NOTCH4: variants seen among roughly 807,000 people sequenced by gnomAD.
The protein encoded by NOTCH4 is neurogenic locus notch homolog protein 4.
NOTCH4 carries 138 observed loss-of-function variants against 189.0 expected under a neutral mutation model. That is an observed-to-expected ratio of 0.73 (90% confidence interval 0.64 to 0.84). NOTCH4 has a LOEUF of 0.84. Among genes scored for constraint, NOTCH4 ranks in the 40% least tolerant of loss-of-function variants. The pLI is 0.00. For synonymous variants in NOTCH4, 942 were observed against 1,032.8 expected, an observed-to-expected ratio of 0.91 and a Z score of 1.69; for missense variants, 2,286 against 2,605.4, an observed-to-expected ratio of 0.88 and a Z score of 2.67.
At position 32,220,970 on chromosome 6, in the gene NOTCH4, G is replaced by C; in HGVS notation, c.799+8C>G. 6.3e-7 allele frequency: 1 copy of C among 1,596,758 alleles called. No homozygotes were observed. Among genetic ancestry groups the C allele is most frequent in the Non-Finnish European group, 8.5e-7 (1 of 1,170,058 alleles). ...AGGGGCGGCCGGAGAGCCCCTGTGA[G>C]GACACACCTGGGGGACAGAGGCAGA... is the stretch of plus-strand genomic sequence containing the variant. On this transcript the variant is annotated splice_region_variant and intron_variant, in intron 4 of 29. Coordinates refer to ENST00000375023, the MANE Select transcript of NOTCH4 (RefSeq NM_004557.4).
rs1156934887 is a variant in NOTCH4, at chr6:32,200,747, T to C, written c.4315+84A>G. ...AACATTTTCAGTCTCAGCTGTCCTG[T>C]TTGATTCAGCCTCCATTGCCTGTTG... is the stretch of plus-strand genomic sequence containing the variant. On this transcript the variant is annotated intron_variant, in intron 23 of 29. Coordinates refer to ENST00000375023, the MANE Select transcript of NOTCH4 (RefSeq NM_004557.4). The surrounding 1 kb of genome is among the most constrained non-coding windows in gnomAD (Gnocchi z 5.0). 2 of 1,185,610 alleles carry C rather than the reference T, an allele frequency of 1.7e-6. No individual in the cohort carries two copies. The highest frequency in any genetic ancestry group is 2.3e-6 in the Non-Finnish European group (2 of 856,482). The allele number at this position is 1,185,610 out of a possible 1,614,324, so 73.4% of individuals were successfully genotyped here. A position where few individuals can be genotyped will look rare whatever the true frequency, so the allele number is the denominator to read the frequency against.
chr6:32,220,679 G>T (rs1789704287), intron 5 of NOTCH4, 38 bp from the exon 6 acceptor site: 7 of 1,611,892 alleles, frequency 4.3e-6, no homozygotes, highest in Non-Finnish European at 5.1e-6. Flanking sequence ...GCTAAGGCTG[G>T]GAGCCCTATG....
chr6:32,196,407 G>A lies in NOTCH4; in HGVS notation c.5215C>T (p.His1739Tyr). 1 of 1,613,096 alleles carries A rather than the reference G, an allele frequency of 6.2e-7. No homozygotes were observed. The highest frequency in any genetic ancestry group is 1.1e-5 in the South Asian group (1 of 91,084). ...ARDKWGKTAL[H>Y]WAAAVNNARA... Reference sequence around the variant, plus strand: ...GCGTTGTTCACGGCAGCAGCCCAGTGCAGCGCAGTTTTCCCTAGGGGACGA... The same window carrying A: ...GCGTTGTTCACGGCAGCAGCCCAGTACAGCGCAGTTTTCCCTAGGGGACGA... The change falls in exon 29 of 30, where the codon CAC (histidine) becomes TAC (tyrosine). Residue 1739 changes from histidine to tyrosine, a missense_variant. Physicochemically the swap from His to Tyr is moderately conservative, Grantham distance 83. Around this residue, in one of 2 missense-constraint regions of NOTCH4, gnomAD observed 1,903 missense variants for 2,261.9 expected, o/e 0.84. Coordinates refer to ENST00000375023, the MANE Select transcript of NOTCH4 (RefSeq NM_004557.4).
chr6:32,205,798 C>T (rs1192830004), intron 18 of NOTCH4, among the ~76,000 whole-genome samples: 10 of 151,814 alleles, frequency 6.6e-5, no homozygotes, highest in Non-Finnish European at 1.2e-4. Context: ...GAGGTCAAGG[C>T]GGGTGGATCA....
rs749519154 is a variant in NOTCH4, at chr6:32,222,684, G to C, written c.278C>G (p.Ser93Cys). The C allele has an allele frequency of 5.0e-6, 8 of 1,604,612 alleles. No homozygotes were observed. The highest frequency in any genetic ancestry group is 6.8e-6 in the Non-Finnish European group (8 of 1,177,418). ...LLPAPLGLPS[S>C]PSPLTPSFLC... ...GAAGCTGGGTGTCAATGGAGAGGGA[G>C]AGCTGGGGAGCCCTAGGGGAGCGGG... Residue 93 changes from serine (S) to cysteine (C), a missense_variant, in exon 3 of 30, where the codon TCT (serine) becomes TGT (cysteine). Ser to Cys is a moderately radical substitution (Grantham distance 112). This residue lies in a region of NOTCH4 where 1,903 missense variants were observed against 2,261.9 expected (regional missense o/e 0.84). Coordinates refer to ENST00000375023, the MANE Select transcript of NOTCH4 (RefSeq NM_004557.4).
In NOTCH4 at chr6:32,217,901, G is replaced by A. The variant is rs887157779; in HGVS notation, c.1624+94C>T. 5 of 784,364 alleles carry A rather than the reference G, an allele frequency of 6.4e-6. No individual in the cohort carries two copies. The highest frequency in any genetic ancestry group is 5.1e-5 in the African/African-American group (3 of 58,464). The allele number at this position is 784,364 out of a possible 1,614,324, so 48.6% of individuals were successfully genotyped here. ...GAGGACTCCTTGGCTTGGCTAGAGA[G>A]AGCTTCAAGTGGCCTTGGGTGATTG... is the stretch of plus-strand genomic sequence containing the variant. On this transcript the variant is annotated intron_variant, in intron 9 of 29. Coordinates refer to ENST00000375023, the MANE Select transcript of NOTCH4 (RefSeq NM_004557.4). This position sits in a 1 kb window ranked among gnomAD's most constrained non-coding sequence, Gnocchi z 4.2.
rs922179484 is a variant in NOTCH4 at position 32,213,762 on chromosome 6, C to T, written c.2246G>A (p.Gly749Glu). 2 of 1,612,204 alleles carry T rather than the reference C, an allele frequency of 1.2e-6. No individual in the cohort carries two copies. Among genetic ancestry groups the T allele is most frequent in the South Asian group, 2.2e-5 (2 of 91,018 alleles). The change falls in exon 14 of 30, where the codon GGA becomes GAA. Residue 749 changes from glycine (G) to glutamate (E), a missense_variant. Physicochemically the swap from Gly to Glu is moderately conservative, Grantham distance 98. Coordinates refer to ENST00000375023, the MANE Select transcript of NOTCH4 (RefSeq NM_004557.4). Reference protein sequence around the residue: ...LNGGSCNPSPGGYYCTCPPSH... With the variant: ...LNGGSCNPSPEGYYCTCPPSH... ...TGGAGGGCAGGTGCAGTAGTAGCCTCCAGGGCTAGGGTTGCAGGAGCCGCC... is the reference window on the plus strand; with the variant it reads ...TGGAGGGCAGGTGCAGTAGTAGCCTTCAGGGCTAGGGTTGCAGGAGCCGCC...
chr6:32,201,928 T>G lies in NOTCH4; in HGVS notation c.3755+148A>C. Reference sequence around the variant, plus strand: ...TTACCCTAGGTTGGAGTCCAGAGTCTTCGACCCCTGTTTAGTGATGGTTAT... The same window carrying G: ...TTACCCTAGGTTGGAGTCCAGAGTCGTCGACCCCTGTTTAGTGATGGTTAT... On this transcript the variant is annotated intron_variant, in intron 21 of 29. Transcript: ENST00000375023. The surrounding 1 kb of genome is among the most constrained non-coding windows in gnomAD (Gnocchi z 5.5). 2 of 698,008 alleles carry G rather than the reference T, an allele frequency of 2.9e-6. No individual in the cohort carries two copies. Among genetic ancestry groups the G allele is most frequent in the Non-Finnish European group, 4.1e-6 (2 of 485,362 alleles). 43.2% of individuals were successfully genotyped at this position (698,008 alleles called of 1,614,324 possible).
At position 32,210,037 on chromosome 6, in the gene NOTCH4, T is replaced by C. The variant is rs141756787; in HGVS notation, c.2865+715A>G. 1.5e-3 allele frequency among the ~76,000 whole-genome samples: 236 copies of C among 152,264 alleles called. No homozygotes were observed. Among genetic ancestry groups the C allele is most frequent in the Middle Eastern group, 3.4e-3 (1 of 294 alleles). ...AGCATATGAATCAGGCTGCTTAGACTTGAATGCCAGCTTTGCCTCTCCTGG... is the reference window on the plus strand; with the variant it reads ...AGCATATGAATCAGGCTGCTTAGACCTGAATGCCAGCTTTGCCTCTCCTGG... On this transcript the variant is annotated intron_variant, in intron 18 of 29. Transcript: ENST00000375023. The surrounding 1 kb of genome is among the most constrained non-coding windows in gnomAD (Gnocchi z 4.8).
At chr6:32,197,665 A>C in intron 26 of NOTCH4, 71 bp from the exon 27 acceptor site, 199 of 1,382,062 alleles carry the variant, frequency 1.4e-4, no homozygotes, top group Middle Eastern at 1.9e-4. Context: ...ATGTAAGCTC[A>C]GAGAGAATCA....
At position 32,215,287 on chromosome 6, in the gene NOTCH4, C is replaced by T. The variant is rs1158272620; in HGVS notation, c.1960G>A (p.Gly654Arg). The T allele has an allele frequency of 1.2e-6, 2 of 1,607,340 alleles. No homozygotes were observed. Among genetic ancestry groups the T allele is most frequent in the Non-Finnish European group, 1.7e-6 (2 of 1,177,980 alleles). Residue 654 changes from glycine (G) to arginine (R), a missense_variant, in exon 12 of 30, where the codon GGA becomes AGA. Gly to Arg is a moderately radical substitution (Grantham distance 125). Around this residue, in one of 2 missense-constraint regions of NOTCH4, gnomAD observed 1,903 missense variants for 2,261.9 expected, o/e 0.84. Coordinates refer to ENST00000375023, the MANE Select transcript of NOTCH4 (RefSeq NM_004557.4). Reference sequence around the variant, plus strand: ...TCAGGTGGGGCACAGCCAGGGCTTCCATCAGGACAGAGGCAGTTGGCCTTG... The same window carrying T: ...TCAGGTGGGGCACAGCCAGGGCTTCTATCAGGACAGAGGCAGTTGGCCTTG... ...KDKANCLCPD[G>R]SPGCAPPEDN...
Position 32,196,130 on chromosome 6 carries a change from C to T in NOTCH4, c.5319G>A (p.Leu1773=), listed in dbSNP as rs1787896301. 6.3e-7 allele frequency: 1 copy of T among 1,590,086 alleles called. No homozygotes were observed. The highest frequency in any genetic ancestry group is 8.5e-7 in the Non-Finnish European group (1 of 1,175,018). Residue 1773 remains leucine, a synonymous_variant, in exon 30 of 30, where the codon CTG becomes CTA. Transcript: ENST00000375023. The stretch of plus-strand genomic sequence containing the variant: ...CTTCCACCGCTCCTTCCCGCGCCGC[C>T]AGGAATAGCGGCGTCTGCTCCTGTA... ...QDNREQTPLF[L]AAREGAVEVA... is the part of the protein sequence containing the mutation.
chr6:32,220,597 G>C lies in NOTCH4; in HGVS notation c.967C>G (p.Pro323Ala). ...EDVDECETQG[P>A]PHCRNGGTCQ... ...GTGCCCCCGTTTCTGCAGTGAGGGGGACCCTGGGTCTCACACTCATCCACA... is the reference window on the plus strand; with the variant it reads ...GTGCCCCCGTTTCTGCAGTGAGGGGCACCCTGGGTCTCACACTCATCCACA... The change falls in exon 6 of 30, where the codon CCC (proline) becomes GCC (alanine). Residue 323 changes from proline (P) to alanine (A), a missense_variant. Around this residue, in one of 2 missense-constraint regions of NOTCH4, gnomAD observed 1,903 missense variants for 2,261.9 expected, o/e 0.84. Coordinates refer to ENST00000375023, the MANE Select transcript of NOTCH4 (RefSeq NM_004557.4). 1 of 1,613,972 alleles carries C rather than the reference G, an allele frequency of 6.2e-7. No individual in the cohort carries two copies. Among genetic ancestry groups the C allele is most frequent in the Non-Finnish European group, 8.5e-7 (1 of 1,179,968 alleles).
At position 32,215,249 on chromosome 6, in the gene NOTCH4, G is replaced by A. The variant is rs770998194; in HGVS notation, c.1998C>T (p.Thr666=). The A allele has an allele frequency of 6.2e-7, 1 of 1,603,842 alleles. No individual in the cohort carries two copies. Among genetic ancestry groups the A allele is most frequent in the Non-Finnish European group, 8.5e-7 (1 of 1,176,446 alleles). Residue 666 remains threonine (T), a synonymous_variant, in exon 12 of 30, where the codon ACC becomes ACT. Coordinates refer to ENST00000375023, the MANE Select transcript of NOTCH4 (RefSeq NM_004557.4). ...ACCTCTGGCAGTGCCCGTGGTGGCA[G>A]GTGCAGTTGTCCTCAGGTGGGGCAC... ...PGCAPPEDNC[T]CHHGHCQRSS...
At position 32,222,995 on chromosome 6, in the gene NOTCH4, G is replaced by T; in HGVS notation, c.155+10C>A. ...CTCTCCAGTCTCCCACTCCTGCAAG[G>T]CACACTCACTGGCAGGTCCCTTGTC... On this transcript the variant is annotated intron_variant, in intron 2 of 29. Transcript: ENST00000375023. 6.2e-7 allele frequency: 1 copy of T among 1,609,506 alleles called. No individual in the cohort carries two copies.
In NOTCH4 at chr6:32,197,456, C is replaced by T. The variant is rs2127461324; in HGVS notation, c.4895G>A (p.Gly1632Asp). Residue 1632 changes from glycine (G) to aspartate (D), a missense_variant, in exon 27 of 30, where the codon GGC (glycine) becomes GAC (aspartate). Physicochemically the swap from Gly to Asp is moderately conservative, Grantham distance 94. Around this residue, in one of 2 missense-constraint regions of NOTCH4, gnomAD observed 1,903 missense variants for 2,261.9 expected, o/e 0.84. Coordinates refer to ENST00000375023, the MANE Select transcript of NOTCH4 (RefSeq NM_004557.4). ...CAGGTGCAGGGGGGTCTCCCCAGTG[C>T]CCACGGTGTGAGCCTGGGGACAGGC... ...GGACPQAHTVGTGETPLHLAA... is the reference protein window; with the variant it reads ...GGACPQAHTVDTGETPLHLAA... The T allele has an allele frequency of 6.3e-7, 1 of 1,577,582 alleles. No individual in the cohort carries two copies.
At chr6:32,206,904 C>A (rs1334248902) in intron 18 of NOTCH4, among the ~76,000 whole-genome samples, 1 of 151,682 alleles carries the variant, frequency 6.6e-6, no homozygotes, top group African/African-American at 2.4e-5. Flanking sequence ...AAACATTTAA[C>A]AGCCAACTTA....
In NOTCH4 at chr6:32,220,295, AAG is replaced by A. The variant is rs749891877; in HGVS notation, c.1160-13_1160-12del. The A allele has an allele frequency of 6.2e-7, 1 of 1,611,152 alleles. No individual in the cohort carries two copies. Among genetic ancestry groups the A allele is most frequent in the Non-Finnish European group, 8.5e-7 (1 of 1,177,960 alleles). ...AGTGGCACAGGAGTCCTGGAGGGGTAAGAGGGGGTGAGGCTCTCAAAGGCCAC... is the reference window on the plus strand; with the variant it reads ...AGTGGCACAGGAGTCCTGGAGGGGTAAGGGGGTGAGGCTCTCAAAGGCCAC... On this transcript the variant is annotated splice_polypyrimidine_tract_variant and intron_variant, in intron 6 of 29. Coordinates refer to ENST00000375023, the MANE Select transcript of NOTCH4 (RefSeq NM_004557.4).
chr6:32,212,482 A>C lies in NOTCH4; in HGVS notation c.2672T>G (p.Leu891Arg), dbSNP rs755223788. The C allele has an allele frequency of 2.5e-6, 4 of 1,609,154 alleles. No homozygotes were observed. The highest frequency in any genetic ancestry group is 3.4e-6 in the Non-Finnish European group (4 of 1,178,232). Residue 891 changes from leucine (L) to arginine (R), a missense_variant, in exon 17 of 30, where the codon CTG becomes CGG. Transcript: ENST00000375023. This position sits in a 1 kb window ranked among gnomAD's most constrained non-coding sequence, Gnocchi z 4.4. ...GTGCCGGCGTTGGTTACCTTGGCTC[A>C]GTGCAGCCTTCTGGCAGGAGGACAG... is the stretch of plus-strand genomic sequence containing the variant. ...LPLSSCQKAALSQGIDVSSLC... is the reference protein window; with the variant it reads ...LPLSSCQKAARSQGIDVSSLC...
Sources: gnomAD v4.1 joint callset for allele counts (sites outside exome capture counted in the v4.1 genomes callset) on GRCh38, gnomAD v4.1.1 for gene constraint, gnomAD v4.1.1 regional missense constraint, Gnocchi (gnomAD v3.1) non-coding constraint, MANE v1.5 for transcripts, NCBI Gene and HGNC (gene_info 2026-07-23, HGNC 2026-07-21) for gene names.